Variants in ADCY9 observed in about 807,000 individuals in gnomAD.
The protein encoded by ADCY9 is adenylate cyclase type 9.
In ADCY9, 50 loss-of-function variants were observed where a neutral mutation model predicts 101.5. That is an observed-to-expected ratio of 0.49 (90% CI 0.39 to 0.62). ADCY9 has a LOEUF of 0.62. ADCY9 is among the 20% of genes least tolerant of loss of function. ADCY9 has a pLI of 0.00. For synonymous variants in ADCY9, 905 were observed against 769.3 expected, an observed-to-expected ratio of 1.18 and a Z score of -2.92; for missense variants, 1,662 against 1,800.4, an observed-to-expected ratio of 0.92 and a Z score of 1.39.
At chr16:4,077,275 C>A (rs2532017) in intron 2 of ADCY9, among the ~76,000 whole-genome samples, 8 of 151,944 alleles carry the variant, frequency 5.3e-5, no homozygotes, top group South Asian at 2.1e-4. Context: ...CTTGTCCCCC[C>A]CCGAGGACAC....
At chr16:4,112,498 C>T (rs2057120106) in intron 2 of ADCY9, among the ~76,000 whole-genome samples, 1 of 152,136 alleles carries the variant, frequency 6.6e-6, no homozygotes, top group South Asian at 2.1e-4. Flanking sequence ...ATAGGATGAT[C>T]TCACACCAAC....
chr16:4,065,258 C>T (rs2056794166), intron 2 of ADCY9, among the ~76,000 whole-genome samples: 1 of 152,126 alleles, frequency 6.6e-6, no homozygotes, highest in Admixed American at 6.5e-5. Context: ...CTTCACTCTC[C>T]CCGCAACCTG....
At chr16:4,087,543 TAA>T (rs55706713) in intron 2 of ADCY9, among the ~76,000 whole-genome samples, 15,200 of 118,168 alleles carry the variant, frequency 0.13, 855 homozygotes, top group Middle Eastern at 0.17. Context: ...CTCAAAAAGA[TAA>T]AAAAAAAAAA....
intron 2 of ADCY9, among the ~76,000 whole-genome samples, chr16:4,026,556 C>T (rs541955512): frequency 6.6e-5 from 10 of 152,180 alleles, no homozygotes; most frequent in Non-Finnish European, 1.0e-4. Context: ...TTTGTAGCGG[C>T]ACTATTCATA....
At chr16:4,092,325 G>C (rs1010507743) in intron 2 of ADCY9, among the ~76,000 whole-genome samples, 3 of 152,124 alleles carry the variant, frequency 2.0e-5, no homozygotes, top group African/African-American at 7.2e-5. Context: ...GTTCCTCCTG[G>C]GCAGTGTTGT....
intron 2 of ADCY9, among the ~76,000 whole-genome samples, chr16:4,093,593 C>T (rs1047096659): frequency 1.3e-5 from 2 of 151,840 alleles, no homozygotes; most frequent in African/African-American, 2.4e-5. Context: ...TTTGTCTCTA[C>T]AAAAAATACA....
chr16:4,067,056 C>A (rs964088820), intron 2 of ADCY9, among the ~76,000 whole-genome samples: 3 of 152,054 alleles, frequency 2.0e-5, no homozygotes, highest in African/African-American at 7.2e-5. Flanking sequence ...GAGAAAATTG[C>A]GGCTGATGCC....
In ADCY9 at chr16:4,043,148, G is replaced by A. The variant is rs902336421; in HGVS notation, c.1694-35590C>T. ...TGGGAGGCTGAGGCAGGAGAATGGCGTGAACCCGGGAGGCGGAGCTTGCAG... is the reference window on the plus strand; with the variant it reads ...TGGGAGGCTGAGGCAGGAGAATGGCATGAACCCGGGAGGCGGAGCTTGCAG... On this transcript the variant is annotated intron_variant, in intron 2 of 10. Coordinates refer to ENST00000294016, the MANE Select transcript of ADCY9 (RefSeq NM_001116.4). 5.3e-5 allele frequency among the ~76,000 whole-genome samples: 8 copies of A among 151,944 alleles called. 1 individual carries two copies. In the South Asian group the frequency reaches 6.2e-4, roughly 12 times the overall value.
intron 2 of ADCY9, among the ~76,000 whole-genome samples, chr16:4,068,596 T>C (rs2056814410): frequency 6.6e-6 from 1 of 151,924 alleles, no homozygotes. Context: ...GAGCGGATCA[T>C]GAGGTCAGGA....
chr16:4,075,359 G>A (rs1334053984), intron 2 of ADCY9, among the ~76,000 whole-genome samples: 4 of 152,048 alleles, frequency 2.6e-5, no homozygotes, highest in Non-Finnish European at 5.9e-5. Context: ...GGCTAGTCTC[G>A]AACTCCTGAC....
chr16:3,969,569 A>AATATATAT (rs57260468), intron 10 of ADCY9, among the ~76,000 whole-genome samples: 1,160 of 45,066 alleles, frequency 0.026, 65 homozygotes, highest in Non-Finnish European at 0.036. Context: ...GTTTGTTTGA[A>AATATATAT]ATATATATAT....
chr16:4,031,598 C>T (rs2056555470), intron 2 of ADCY9, among the ~76,000 whole-genome samples: 3 of 152,232 alleles, frequency 2.0e-5, no homozygotes, highest in Admixed American at 6.5e-5. Context: ...TGAAAAGTTG[C>T]GAAGGCCAGG....
rs989922125 is a variant in ADCY9, at chr16:4,081,165, G to A, written c.1693+32585C>T. ...CGGTGGCAGGAGAAAACCATCTCCCGCAGCGGGGCATTCCCTGCACCTCAC... is the reference window on the plus strand; with the variant it reads ...CGGTGGCAGGAGAAAACCATCTCCCACAGCGGGGCATTCCCTGCACCTCAC... On this transcript the variant is annotated intron_variant, in intron 2 of 10. Transcript: ENST00000294016. Among the ~76,000 whole-genome samples, 10 of 152,286 alleles carry A rather than the reference G, an allele frequency of 6.6e-5. No individual in the cohort carries two copies. The South Asian group carries it at 8.3e-4, about 13-fold the overall frequency.
At chr16:4,037,324 T>C (rs2056596664) in intron 2 of ADCY9, among the ~76,000 whole-genome samples, 1 of 151,950 alleles carries the variant, frequency 6.6e-6, no homozygotes, top group Non-Finnish European at 1.5e-5. Flanking sequence ...CTCTAAAAAA[T>C]AAAAATAAAA....
chr16:3,971,309 C>G (rs958183991), intron 10 of ADCY9, among the ~76,000 whole-genome samples: 5 of 152,206 alleles, frequency 3.3e-5, no homozygotes, highest in African/African-American at 1.2e-4. Flanking sequence ...CGTCAACTCA[C>G]ACACCCTTCC....
rs1567147101 is a variant in ADCY9, at chr16:4,097,559, T to TACA, written c.1693+16190_1693+16191insTGT. 1.9e-4 allele frequency among the ~76,000 whole-genome samples: 17 copies of TACA among 88,774 alleles called. 1 individual carries two copies. Among genetic ancestry groups the TACA allele is most frequent in the African/African-American group, 1.1e-3 (17 of 15,948 alleles). The allele number at this position is 88,774 out of a possible 152,430, so 58.2% of individuals were successfully genotyped here. ...TATATATATATATATATATATTTTT[T>TACA]TTTTTTTTTTTTAAGACAGAGTCTT... On this transcript the variant is annotated intron_variant, in intron 2 of 10. Transcript: ENST00000294016.
chr16:3,986,226 T>A (rs2056191932), intron 6 of ADCY9, among the ~76,000 whole-genome samples: 1 of 152,200 alleles, frequency 6.6e-6, no homozygotes, highest in Non-Finnish European at 1.5e-5. Flanking sequence ...TTGTGGGCGG[T>A]GGGATGCTCG....
At chr16:4,087,667 G>A (rs1412553053) in intron 2 of ADCY9, among the ~76,000 whole-genome samples, 1 of 151,842 alleles carries the variant, frequency 6.6e-6, no homozygotes, top group African/African-American at 2.4e-5. Context: ...GGGATGTGCT[G>A]GATCAAATCA....
At chr16:4,046,778 G>A (rs889319574) in intron 2 of ADCY9, among the ~76,000 whole-genome samples, 2 of 152,104 alleles carry the variant, frequency 1.3e-5, no homozygotes, top group African/African-American at 4.8e-5. Flanking sequence ...CTTCGCTAGA[G>A]CCCAGAAGTT....
Sources: gnomAD v4.1 joint callset for allele counts (sites outside exome capture counted in the v4.1 genomes callset) on GRCh38, gnomAD v4.1.1 for gene constraint, MANE v1.5 for transcripts, NCBI Gene and HGNC (gene_info 2026-07-23, HGNC 2026-07-21) for gene names.